Variants in SNAP47 observed in about 807,000 individuals in gnomAD.
The protein encoded by SNAP47 is synaptosomal-associated protein 47.
A neutral mutation model predicts 31.4 loss-of-function variants in SNAP47; 20 were observed. The ratio of observed to expected loss-of-function variants is 0.64; its 90% CI spans 0.45 to 0.93. The LOEUF (loss-of-function observed/expected upper bound fraction) is 0.93. Ranked by LOEUF, SNAP47 falls within the 40% of genes least tolerant of loss-of-function variation. The pLI, the probability that SNAP47 is intolerant of heterozygous loss-of-function variation, is 0.00. For synonymous variants in SNAP47, 194 were observed against 213.4 expected (o/e 0.91, Z 0.79); for missense variants, 492 against 528.5 (o/e 0.93, Z 0.68).
rs369206243 is a variant in SNAP47, at chr1:227,766,921, C to T, written c.989-38C>T. 3.8e-4 allele frequency: 604 copies of T among 1,610,050 alleles called. 1 individual carries two copies. In the Admixed American group the frequency reaches 5.3e-3, roughly 14 times the overall value. ...GAGCACACGAGGGTTGTTGCAACTCCGAGAGATGTCACTGCTGACCATCTG... is the reference window on the plus strand; with the variant it reads ...GAGCACACGAGGGTTGTTGCAACTCTGAGAGATGTCACTGCTGACCATCTG... On this transcript the variant is annotated intron_variant, in intron 3 of 4. Transcript: ENST00000617596.
intron 1 of SNAP47, among the ~76,000 whole-genome samples, chr1:227,737,241 C>T (rs1371984397): frequency 3.3e-5 from 5 of 152,208 alleles, no homozygotes; most frequent in East Asian, 1.9e-4. Flanking sequence ...TTATTGCCCC[C>T]GAAGCCTGGC....
intron 4 of SNAP47, 77 bp from the exon 5 acceptor site, chr1:227,780,450 G>A: frequency 3.2e-6 from 5 of 1,587,216 alleles, no homozygotes; most frequent in Non-Finnish European, 4.3e-6. Context: ...TCTTGGGTGT[G>A]TGAGAGGGGG....
chr1:227,735,949 G>A (rs1320373442), intron 1 of SNAP47, among the ~76,000 whole-genome samples: 2 of 151,636 alleles, frequency 1.3e-5, no homozygotes, highest in East Asian at 3.9e-4. Context: ...TGGGGACCTG[G>A]AGAGGACGGT....
intron 2 of SNAP47, among the ~76,000 whole-genome samples, chr1:227,753,815 C>T (rs888372849): frequency 2.6e-5 from 4 of 152,042 alleles, no homozygotes; most frequent in African/African-American, 7.2e-5. Context: ...CTGCCCAAAC[C>T]TCCTAGGGGA....
intron 2 of SNAP47, among the ~76,000 whole-genome samples, chr1:227,752,398 C>T (rs1347264850): frequency 6.6e-6 from 1 of 152,132 alleles, no homozygotes; most frequent in Non-Finnish European, 1.5e-5. Flanking sequence ...CTTGGCCACT[C>T]TCTCCCCGCT....
intron 1 of SNAP47, among the ~76,000 whole-genome samples, chr1:227,745,244 G>A (rs958574332): frequency 6.6e-6 from 1 of 152,162 alleles, no homozygotes; most frequent in African/African-American, 2.4e-5. Context: ...AACAGAGCAT[G>A]CAAAATCACA....
At chr1:227,768,808 A>G (rs1009254527) in intron 4 of SNAP47, among the ~76,000 whole-genome samples, 4 of 152,180 alleles carry the variant, frequency 2.6e-5, no homozygotes, top group Non-Finnish European at 5.9e-5. Flanking sequence ...TTTCCCAGCC[A>G]TCCTCCTGAG....
intron 1 of SNAP47, among the ~76,000 whole-genome samples, chr1:227,740,354 G>C (rs1661511178): frequency 6.6e-6 from 1 of 152,206 alleles, no homozygotes; most frequent in Non-Finnish European, 1.5e-5. Context: ...GCAGAGAAGT[G>C]ACATATTCTA....
chr1:227,729,348 A>G (rs1660494686), intron 1 of SNAP47, among the ~76,000 whole-genome samples: 2 of 152,176 alleles, frequency 1.3e-5, no homozygotes, highest in Non-Finnish European at 2.9e-5. Flanking sequence ...CTTCTAGGCC[A>G]GTGGAACAAG....
chr1:227,772,326 C>A lies in SNAP47; in HGVS notation c.1113+5243C>A, dbSNP rs574714622. Reference sequence around the variant, plus strand: ...GAAACAGTTTCTGTGAGACACGAACCCACGTTTCTGCCCCAGCCCCCCGCC... The same window carrying A: ...GAAACAGTTTCTGTGAGACACGAACACACGTTTCTGCCCCAGCCCCCCGCC... On this transcript the variant is annotated intron_variant, in intron 4 of 4. Transcript: ENST00000617596. Among the ~76,000 whole-genome samples, 5 of 152,032 alleles carry A rather than the reference C, an allele frequency of 3.3e-5. 2 individuals are homozygous for A. The highest frequency in any genetic ancestry group is 1.2e-4 in the African/African-American group (5 of 41,458).
At chr1:227,770,912 G>A (rs573158229) in intron 4 of SNAP47, among the ~76,000 whole-genome samples, 1 of 152,350 alleles carries the variant, frequency 6.6e-6, no homozygotes, top group African/African-American at 2.4e-5. Context: ...TGTCCTGAGC[G>A]CACCTGACAC....
upstream of SNAP47, chr1:227,733,883 C>T: frequency 1.9e-6 from 3 of 1,612,210 alleles, no homozygotes; most frequent in African/African-American, 4.0e-5. Flanking sequence ...CCTTCGGGTT[C>T]CACTCCCACA....
At chr1:227,729,604 G>A (rs1393450633) in intron 1 of SNAP47, among the ~76,000 whole-genome samples, 1 of 152,172 alleles carries the variant, frequency 6.6e-6, no homozygotes, top group Non-Finnish European at 1.5e-5. Flanking sequence ...TGGCCAAGGA[G>A]CTGCCCCTTC....
intron 1 of SNAP47, among the ~76,000 whole-genome samples, chr1:227,738,521 TA>T (rs1661387454): frequency 6.6e-6 from 1 of 152,212 alleles, no homozygotes; most frequent in Non-Finnish European, 1.5e-5. Flanking sequence ...CCATCGTGTA[TA>T]ATATACATAT....
At chr1:227,748,439 ACT>A (rs1054483077) in intron 2 of SNAP47, among the ~76,000 whole-genome samples, 12 of 152,282 alleles carry the variant, frequency 7.9e-5, no homozygotes, top group African/African-American at 2.6e-4. Context: ...TACACGGTAC[ACT>A]CTGCTGGAAA....
At chr1:227,742,568 C>G (rs1431514527) in intron 1 of SNAP47, among the ~76,000 whole-genome samples, 1 of 152,220 alleles carries the variant, frequency 6.6e-6, no homozygotes, top group African/African-American at 2.4e-5. Context: ...TTTCCCTCCA[C>G]ACTCCTGAAA....
chr1:227,739,517 G>A (rs1056949226), intron 1 of SNAP47, among the ~76,000 whole-genome samples: 2 of 152,158 alleles, frequency 1.3e-5, no homozygotes, highest in African/African-American at 4.8e-5. Flanking sequence ...AAGATTGGCC[G>A]CACCCTACCG....
In SNAP47 at chr1:227,759,080, G is replaced by C; in HGVS notation, c.583G>C (p.Asp195His). 6.2e-7 allele frequency: 1 copy of C among 1,614,190 alleles called. No homozygotes were observed. Among genetic ancestry groups the C allele is most frequent in the Non-Finnish European group, 8.5e-7 (1 of 1,180,044 alleles). The change falls in exon 3 of 5, where the codon GAT becomes CAT. Residue 195 changes from aspartate (D) to histidine (H), a missense_variant. By Grantham distance (81) the Asp-to-His change is moderately conservative. Transcript: ENST00000617596. ...ACCACCGGAAACAAAGCCCAGGGAAGATGTCTCCATGACCAGTTGTGAACC... is the reference window on the plus strand; with the variant it reads ...ACCACCGGAAACAAAGCCCAGGGAACATGTCTCCATGACCAGTTGTGAACC... ...KTPPETKPRE[D>H]VSMTSCEPFG...
chr1:227,755,401 A>G (rs1662635333), intron 2 of SNAP47, among the ~76,000 whole-genome samples: 2 of 150,786 alleles, frequency 1.3e-5, no homozygotes, highest in South Asian at 4.2e-4. Context: ...TTTTTCTTTT[A>G]TTTGAGATGG....
Sources: gnomAD v4.1 joint callset for allele counts (sites outside exome capture counted in the v4.1 genomes callset) on GRCh38, gnomAD v4.1.1 for gene constraint, MANE v1.5 for transcripts, NCBI Gene and HGNC (gene_info 2026-07-23, HGNC 2026-07-21) for gene names.